The following RNF180 variants were observed in gnomAD, a reference collection of about 807,000 sequenced individuals.
RNF180 encodes ring finger protein 180, also known as E3 ubiquitin-protein ligase RNF180.
In RNF180, 38 loss-of-function variants were observed where a neutral mutation model predicts 59.2. The ratio of observed to expected loss-of-function variants is 0.64; its 90% CI spans 0.50 to 0.84. The LOEUF (loss-of-function observed/expected upper bound fraction) is 0.84, where lower values mean the gene tolerates loss of function less well. Ranked by LOEUF, RNF180 falls within the 40% of genes least tolerant of loss-of-function variation. The pLI, the probability that RNF180 is intolerant of heterozygous loss-of-function variation, is 0.00. For missense variants in RNF180, 705 were observed against 700.9 expected (o/e 1.01, Z -0.07); for synonymous variants, 262 against 240.3 (o/e 1.09, Z -0.84).
intron 5 of RNF180, among the ~76,000 whole-genome samples, chr5:64,290,360 G>C (rs1048233177): frequency 1.3e-5 from 2 of 152,176 alleles, no homozygotes; most frequent in African/African-American, 4.8e-5. Flanking sequence ...CTGTTGGTTT[G>C]GGGTGGAGAG....
At chr5:64,332,905 C>T (rs981609212) in intron 7 of RNF180, among the ~76,000 whole-genome samples, 25 of 152,176 alleles carry the variant, frequency 1.6e-4, no homozygotes, top group African/African-American at 5.5e-4. Flanking sequence ...GGTTGGTCTT[C>T]TGCGTAAGAC....
At chr5:64,174,332 A>T (rs572011893) in intron 1 of RNF180, among the ~76,000 whole-genome samples, 2 of 152,324 alleles carry the variant, frequency 1.3e-5, no homozygotes, top group East Asian at 3.9e-4. Flanking sequence ...CAGAAGTGGG[A>T]TAGCTGGATC....
chr5:64,339,845 A>T (rs1006762687), intron 7 of RNF180, among the ~76,000 whole-genome samples: 1 of 152,182 alleles, frequency 6.6e-6, no homozygotes, highest in Non-Finnish European at 1.5e-5. Context: ...ATCAATAAGT[A>T]AGCAGACGTT....
intron 2 of RNF180, among the ~76,000 whole-genome samples, chr5:64,206,105 A>C (rs1044718676): frequency 1.3e-5 from 2 of 152,158 alleles, no homozygotes; most frequent in Non-Finnish European, 2.9e-5. Context: ...TTTGCCCTGG[A>C]TTTGTGCAGT....
chr5:64,369,820 T>C lies in RNF180; in HGVS notation c.*6T>C, dbSNP rs2112623155. 2 of 1,437,572 alleles carry C rather than the reference T, an allele frequency of 1.4e-6. No individual in the cohort carries two copies. Among genetic ancestry groups the C allele is most frequent in the Non-Finnish European group, 1.9e-6 (2 of 1,076,736 alleles). 89.1% of individuals were successfully genotyped at this position (1,437,572 alleles called of 1,614,324 possible). A position where few individuals can be genotyped will look rare whatever the true frequency, so the allele number is the denominator to read the frequency against. On this transcript the variant is annotated 3_prime_UTR_variant, in exon 8 of 8. Transcript: ENST00000389100. ...ATTTTTTCTTTCCGTTTTAGGAATT[T>C]CATACCTTACTACAATTGACCAATC...
At chr5:64,250,113 T>G (rs1228208609) in intron 5 of RNF180, among the ~76,000 whole-genome samples, 1 of 152,188 alleles carries the variant, frequency 6.6e-6, no homozygotes, top group Non-Finnish European at 1.5e-5. Context: ...TACTATTAAG[T>G]GTCTTCTCTG....
intron 5 of RNF180, among the ~76,000 whole-genome samples, chr5:64,261,657 G>A (rs1456710933): frequency 6.6e-6 from 1 of 152,232 alleles, no homozygotes; most frequent in East Asian, 1.9e-4. Context: ...TTCTGAAAAT[G>A]CTATTATCTG....
At chr5:64,165,625 T>G (rs1749581066), upstream of RNF180, among the ~76,000 whole-genome samples, 1 of 152,182 alleles carries the variant, frequency 6.6e-6, no homozygotes, top group Non-Finnish European at 1.5e-5. Context: ...TTTCCCACGG[T>G]TCCGTCTGGC....
At chr5:64,295,497 T>A (rs1306809764) in intron 5 of RNF180, among the ~76,000 whole-genome samples, 1 of 152,168 alleles carries the variant, frequency 6.6e-6, no homozygotes, top group Non-Finnish European at 1.5e-5. Flanking sequence ...ATGCATAAGG[T>A]TGGAACATAA....
chr5:64,291,767 C>G (rs753383008), intron 5 of RNF180, among the ~76,000 whole-genome samples: 122 of 152,178 alleles, frequency 8.0e-4, no homozygotes, highest in Middle Eastern at 3.4e-3. Context: ...CTCCTTGTCT[C>G]TTTCAGGTAC....
At chr5:64,169,243 A>G (rs1749811677) in intron 1 of RNF180, among the ~76,000 whole-genome samples, 1 of 152,176 alleles carries the variant, frequency 6.6e-6, no homozygotes, top group Non-Finnish European at 1.5e-5. Context: ...TCCTGTTGTA[A>G]ATATTATTTA....
chr5:64,234,923 C>T lies in RNF180; in HGVS notation c.1227+17527C>T, dbSNP rs550021724. On this transcript the variant is annotated intron_variant, in intron 5 of 7. Coordinates refer to ENST00000389100, the MANE Select transcript of RNF180 (RefSeq NM_001113561.2). The stretch of plus-strand genomic sequence containing the variant: ...TACCCCTTCTTATTTTACCTTAATT[C>T]TACATAATGTTTTTGTTTAAGATAT... Among the ~76,000 whole-genome samples the T allele has an allele frequency of 2.8e-4, 43 of 152,068 alleles. 1 individual carries two copies. The South Asian group carries it at 8.7e-3, about 31-fold the overall frequency.
chr5:64,286,159 A>G (rs1214812282), intron 5 of RNF180, among the ~76,000 whole-genome samples: 1 of 152,220 alleles, frequency 6.6e-6, no homozygotes, highest in African/African-American at 2.4e-5. Flanking sequence ...AAGGTTTTGT[A>G]TGATGACTTG....
intron 1 of RNF180, among the ~76,000 whole-genome samples, chr5:64,189,479 GAAAA>G (rs1561176050): frequency 1.3e-5 from 2 of 151,938 alleles, no homozygotes; most frequent in Admixed American, 6.6e-5. Flanking sequence ...GGCAAAAAAA[GAAAA>G]AAAGAAAAGA....
At chr5:64,211,759 A>G (rs1752324250) in intron 2 of RNF180, among the ~76,000 whole-genome samples, 1 of 152,220 alleles carries the variant, frequency 6.6e-6, no homozygotes, top group Non-Finnish European at 1.5e-5. Context: ...TTTGTCTCAC[A>G]TGCAGAAAAA....
At chr5:64,319,083 T>G (rs902446338) in intron 5 of RNF180, among the ~76,000 whole-genome samples, 9 of 151,938 alleles carry the variant, frequency 5.9e-5, no homozygotes, top group Non-Finnish European at 1.2e-4. Flanking sequence ...TAGGCAAAAC[T>G]CTGTGTGTGT....
intron 6 of RNF180, among the ~76,000 whole-genome samples, chr5:64,329,069 T>A (rs1055426892): frequency 6.6e-6 from 1 of 152,252 alleles, no homozygotes. Flanking sequence ...ATATCCTTTT[T>A]AACTCATTAG....
Position 64,246,483 on chromosome 5 carries a change from C to T in RNF180, c.1227+29087C>T, listed in dbSNP as rs536296667. Among the ~76,000 whole-genome samples, 5 of 152,282 alleles carry T rather than the reference C, an allele frequency of 3.3e-5. No individual in the cohort carries two copies. The East Asian group carries it at 9.6e-4, about 29-fold the overall frequency. On this transcript the variant is annotated intron_variant, in intron 5 of 7. Transcript: ENST00000389100. The stretch of plus-strand genomic sequence containing the variant: ...TACTATCAGAGAATACTATAAACAC[C>T]TCTATGCAAATAAACTAGAAAATCT...
intron 7 of RNF180, among the ~76,000 whole-genome samples, chr5:64,355,951 C>A (rs1398355274): frequency 6.6e-6 from 1 of 151,694 alleles, no homozygotes; most frequent in Non-Finnish European, 1.5e-5. Context: ...TATTTATGAA[C>A]AGTGGAGTCT....
Sources: gnomAD v4.1 joint callset for allele counts (sites outside exome capture counted in the v4.1 genomes callset) on GRCh38, gnomAD v4.1.1 for gene constraint, MANE v1.5 for transcripts, NCBI Gene and HGNC (gene_info 2026-07-23, HGNC 2026-07-21) for gene names.